ERC1: variants seen among roughly 807,000 people sequenced by gnomAD.
ERC1 encodes ELKS/RAB6-interacting/CAST family member 1.
A neutral mutation model predicts 132.0 loss-of-function variants in ERC1; 56 were observed. The ratio of observed to expected loss-of-function variants is 0.42; its 90% confidence interval spans 0.34 to 0.53. The LOEUF (loss-of-function observed/expected upper bound fraction) is 0.53. Among genes scored for constraint, ERC1 ranks in the 20% least tolerant of loss-of-function variants. The pLI is 0.03. For synonymous variants in ERC1, 478 were observed against 476.1 expected (o/e 1.00, Z -0.05); for missense variants, 1,202 against 1,349.9 (o/e 0.89, Z 1.72).
chr12:1,271,101 C>G (rs1566445550), intron 14 of ERC1, among the ~76,000 whole-genome samples: 2 of 151,894 alleles, frequency 1.3e-5, no homozygotes, highest in South Asian at 4.2e-4. Flanking sequence ...ATTTATATAT[C>G]AAGTTAAAAT....
chr12:1,397,170 G>A (rs938157991), intron 16 of ERC1, among the ~76,000 whole-genome samples: 1 of 152,182 alleles, frequency 6.6e-6, no homozygotes, highest in Non-Finnish European at 1.5e-5. Flanking sequence ...CAATTAAGCA[G>A]GCTGTGCACA....
chr12:1,483,758 C>T (rs1272030501), intron 18 of ERC1, among the ~76,000 whole-genome samples: 93 of 139,080 alleles, frequency 6.7e-4, no homozygotes, highest in Admixed American at 1.8e-3. Context: ...GGCGCGATCT[C>T]GCCTTACTGC....
At position 1,335,031 on chromosome 12, in the gene ERC1, G is replaced by A. The variant is rs568847552; in HGVS notation, c.2781-36802G>A. On this transcript the variant is annotated intron_variant, in intron 15 of 18. Transcript: ENST00000360905. ...ACATTCCTGATTTGGCTCTTGGCTT[G>A]ACTGTTGGTGTAGAGGAATGCTAGT... Among the ~76,000 whole-genome samples, 3 of 152,182 alleles carry A rather than the reference G, an allele frequency of 2.0e-5. No homozygotes were observed. The South Asian group carries it at 6.2e-4, about 32-fold the overall frequency.
At chr12:1,134,894 A>G (rs539231732) in intron 7 of ERC1, among the ~76,000 whole-genome samples, 3 of 151,866 alleles carry the variant, frequency 2.0e-5, no homozygotes, top group Admixed American at 1.3e-4. Context: ...ATGCCTGACT[A>G]ATTTTGTATT....
chr12:1,009,266 C>T (rs1462623785), intron 1 of ERC1, among the ~76,000 whole-genome samples: 5 of 151,918 alleles, frequency 3.3e-5, no homozygotes, highest in Non-Finnish European at 5.9e-5. Context: ...GCTCCGCCTC[C>T]CGGGTTCACG....
intron 1 of ERC1, among the ~76,000 whole-genome samples, chr12:1,010,921 G>A (rs562644517): frequency 2.6e-5 from 4 of 152,110 alleles, no homozygotes; most frequent in East Asian, 1.9e-4. Context: ...TTTATAATGC[G>A]TACCCATGCG....
chr12:1,394,442 T>C (rs1467603074), intron 16 of ERC1, among the ~76,000 whole-genome samples: 1 of 152,126 alleles, frequency 6.6e-6, no homozygotes, highest in East Asian at 1.9e-4. Flanking sequence ...CTTCTTGTTT[T>C]CGTGGCCTCT....
intron 12 of ERC1, among the ~76,000 whole-genome samples, chr12:1,204,257 C>CT (rs112909125): frequency 0.2 from 29,405 of 146,710 alleles, 3,404 homozygotes; most frequent in Non-Finnish European, 0.27. Context: ...TTTTAGACAA[C>CT]TTTTTTTTTT....
At chr12:1,137,897 T>C (rs1238416182) in intron 7 of ERC1, among the ~76,000 whole-genome samples, 4 of 142,448 alleles carry the variant, frequency 2.8e-5, no homozygotes, top group Non-Finnish European at 4.5e-5. Context: ...ACATATTATG[T>C]ATATTATTTA....
At chr12:1,333,280 C>T (rs190404206) in intron 15 of ERC1, among the ~76,000 whole-genome samples, 1 of 151,112 alleles carries the variant, frequency 6.6e-6, no homozygotes, top group East Asian at 2.0e-4. Flanking sequence ...AGGACATGAT[C>T]TCATTCTTTA....
intron 15 of ERC1, among the ~76,000 whole-genome samples, chr12:1,339,897 G>A (rs889841356): frequency 7.9e-5 from 12 of 152,150 alleles, no homozygotes; most frequent in Admixed American, 6.5e-4. Flanking sequence ...CTGCAGTGAC[G>A]GTCCAGCAGA....
intron 15 of ERC1, among the ~76,000 whole-genome samples, chr12:1,315,845 TAAC>T (rs1231688001): frequency 2.0e-5 from 3 of 152,098 alleles, no homozygotes; most frequent in East Asian, 1.9e-4. Flanking sequence ...ACAAAACTGA[TAAC>T]AATAATATCA....
chr12:1,060,052 G>A (rs955407634), intron 2 of ERC1, among the ~76,000 whole-genome samples: 2 of 152,100 alleles, frequency 1.3e-5, no homozygotes, highest in African/African-American at 2.4e-5. Context: ...ACTTGTATTA[G>A]TCTGTTTTCA....
intron 15 of ERC1, among the ~76,000 whole-genome samples, chr12:1,364,384 A>G (rs1190859730): frequency 1.3e-5 from 2 of 152,280 alleles, no homozygotes; most frequent in Non-Finnish European, 1.5e-5. Context: ...ACAAAATCAA[A>G]TCACTTCTCA....
At chr12:1,126,361 G>T (rs142419052) in intron 7 of ERC1, among the ~76,000 whole-genome samples, 3 of 91,588 alleles carry the variant, frequency 3.3e-5, no homozygotes, top group Admixed American at 1.3e-4. Flanking sequence ...AAACATTTAT[G>T]TGGAGAGATA....
intron 15 of ERC1, among the ~76,000 whole-genome samples, chr12:1,322,536 C>T (rs1594988810): frequency 1.3e-5 from 2 of 152,162 alleles, no homozygotes; most frequent in East Asian, 3.8e-4. Context: ...AAATCTAGCA[C>T]TTACAGAAAT....
chr12:1,014,622 C>G (rs1040879415), intron 1 of ERC1, among the ~76,000 whole-genome samples: 9 of 152,094 alleles, frequency 5.9e-5, no homozygotes, highest in African/African-American at 2.2e-4. Flanking sequence ...TACAAACATA[C>G]GTGTATATAT....
intron 13 of ERC1, chr12:1,244,886 A>C (rs1459314681): frequency 6.5e-6 from 1 of 154,094 alleles, no homozygotes; most frequent in Non-Finnish European, 1.4e-5. Flanking sequence ...TTCAAAGGTC[A>C]GTTTTGCTAG....
chr12:1,145,942 T>C (rs769243459), intron 8 of ERC1, among the ~76,000 whole-genome samples: 9 of 152,364 alleles, frequency 5.9e-5, no homozygotes, highest in Non-Finnish European at 1.2e-4. Flanking sequence ...TGCCTGTTTT[T>C]ATACCAGTAC....
Sources: gnomAD v4.1 joint callset for allele counts (sites outside exome capture counted in the v4.1 genomes callset) on GRCh38, gnomAD v4.1.1 for gene constraint, MANE v1.5 for transcripts, NCBI Gene and HGNC (gene_info 2026-07-23, HGNC 2026-07-21) for gene names.